The following NCKAP5 variants were observed in gnomAD, a reference collection of about 807,000 sequenced individuals.
NCKAP5 encodes the protein nck-associated protein 5.
Under a neutral mutation model 167.0 loss-of-function variants are expected in NCKAP5, and 92 were observed. That is an observed-to-expected ratio of 0.55 (90% CI 0.47 to 0.66). The LOEUF (loss-of-function observed/expected upper bound fraction) is 0.66, where lower values mean the gene tolerates loss of function less well. Ranked by LOEUF, NCKAP5 falls within the 30% of genes least tolerant of loss-of-function variation. NCKAP5 has a pLI of 0.00. For missense variants in NCKAP5, 2,378 were observed against 2,315.0 expected, an observed-to-expected ratio of 1.03 and a Z score of -0.56; for synonymous variants, 891 against 877.4, an observed-to-expected ratio of 1.02 and a Z score of -0.27.
chr2:132,912,574 G>A (rs1375257039), intron 8 of NCKAP5, among the ~76,000 whole-genome samples: 4 of 152,180 alleles, frequency 2.6e-5, no homozygotes, highest in African/African-American at 9.7e-5. Flanking sequence ...CTTTGATGCT[G>A]ATTTGCTTCT....
At chr2:133,583,668 T>C in the NCKAP5 span, among the ~76,000 whole-genome samples, 10 of 152,208 alleles carry the variant, frequency 6.6e-5, no homozygotes, top group Non-Finnish European at 1.3e-4. Context: ...AACTATAACA[T>C]AGCCATTTAG....
intron 3 of NCKAP5, among the ~76,000 whole-genome samples, chr2:133,491,289 A>G (rs1268383215): frequency 6.6e-6 from 1 of 152,200 alleles, no homozygotes; most frequent in Non-Finnish European, 1.5e-5. Flanking sequence ...GGGAATGACC[A>G]TTGTTCTGAA....
intron 3 of NCKAP5, among the ~76,000 whole-genome samples, chr2:133,376,054 G>T (rs1230294868): frequency 6.6e-6 from 1 of 152,104 alleles, no homozygotes; most frequent in African/African-American, 2.4e-5. Context: ...AAGTGTGGTG[G>T]CATCACCAAG....
At chr2:132,691,381 G>A (rs1686705702) in intron 19 of NCKAP5, among the ~76,000 whole-genome samples, 1 of 151,794 alleles carries the variant, frequency 6.6e-6, no homozygotes, top group African/African-American at 2.4e-5. Context: ...AGCCTATAAG[G>A]TCCGATATAA....
chr2:133,434,248 TA>T (rs1277223548), intron 3 of NCKAP5, among the ~76,000 whole-genome samples: 1 of 152,214 alleles, frequency 6.6e-6, no homozygotes, highest in African/African-American at 2.4e-5. Context: ...GATAGCAACA[TA>T]AAGGTTACTT....
the NCKAP5 span, among the ~76,000 whole-genome samples, chr2:133,609,914 C>T: frequency 6.6e-6 from 1 of 152,116 alleles, no homozygotes; most frequent in Non-Finnish European, 1.5e-5. Context: ...AGGGCACCAC[C>T]TACAAAGAGT....
At chr2:133,656,359 T>C in the NCKAP5 span, among the ~76,000 whole-genome samples, 1 of 152,208 alleles carries the variant, frequency 6.6e-6, no homozygotes, top group Non-Finnish European at 1.5e-5. Context: ...GTAGCTATTA[T>C]TATGATTTGC....
intron 3 of NCKAP5, among the ~76,000 whole-genome samples, chr2:133,437,523 T>C (rs992264518): frequency 1.3e-5 from 2 of 152,202 alleles, no homozygotes; most frequent in African/African-American, 4.8e-5. Context: ...AACTAAAGCC[T>C]TCTTTCTCAG....
At chr2:133,010,481 CA>C (rs1349678750) in intron 6 of NCKAP5, among the ~76,000 whole-genome samples, 1 of 152,188 alleles carries the variant, frequency 6.6e-6, no homozygotes, top group East Asian at 1.9e-4. Flanking sequence ...CCAATGTGTA[CA>C]TATGCATATT....
At chr2:132,894,591 T>C (rs1262348023) in intron 8 of NCKAP5, among the ~76,000 whole-genome samples, 2 of 152,238 alleles carry the variant, frequency 1.3e-5, no homozygotes, top group Non-Finnish European at 2.9e-5. Flanking sequence ...GGATGCTGAC[T>C]GCTCACTCTA....
At chr2:133,310,023 A>C (rs1337535762) in intron 3 of NCKAP5, among the ~76,000 whole-genome samples, 2 of 152,210 alleles carry the variant, frequency 1.3e-5, no homozygotes. Flanking sequence ...CCAGCTGTTC[A>C]AATCAACACA....
At chr2:133,336,411 A>G (rs1683210153) in intron 3 of NCKAP5, among the ~76,000 whole-genome samples, 1 of 152,138 alleles carries the variant, frequency 6.6e-6, no homozygotes, top group Non-Finnish European at 1.5e-5. Context: ...AAGTGCAAAC[A>G]GCTGAAGTGA....
chr2:133,017,529 A>G (rs1226905072), intron 6 of NCKAP5, among the ~76,000 whole-genome samples: 1 of 152,168 alleles, frequency 6.6e-6, no homozygotes, highest in Non-Finnish European at 1.5e-5. Flanking sequence ...TAATTCTCCA[A>G]TATTTTTGAA....
chr2:133,446,362 A>G lies in NCKAP5; in HGVS notation c.69+71096T>C, dbSNP rs180904055. On this transcript the variant is annotated intron_variant, in intron 3 of 19. Coordinates refer to ENST00000409261, the MANE Select transcript of NCKAP5 (RefSeq NM_207363.3). ...AAGTGTCTAAAGATAAAGGAAAATA[A>G]AAACAAAAATAGCTAACACATACTT... 4.6e-5 allele frequency among the ~76,000 whole-genome samples: 7 copies of G among 152,358 alleles called. No homozygotes were observed. The East Asian group carries it at 1.3e-3, about 29-fold the overall frequency.
chr2:133,215,013 G>A (rs1462108051), intron 4 of NCKAP5, among the ~76,000 whole-genome samples: 1 of 152,220 alleles, frequency 6.6e-6, no homozygotes, highest in Non-Finnish European at 1.5e-5. Flanking sequence ...AGTAGAAATA[G>A]TTCTCTCTGA....
intron 19 of NCKAP5, among the ~76,000 whole-genome samples, chr2:132,702,440 T>C (rs1488201901): frequency 2.0e-5 from 3 of 152,072 alleles, no homozygotes; most frequent in African/African-American, 7.2e-5. Flanking sequence ...TAACAAGCCA[T>C]AAACAGATCA....
At chr2:133,098,896 T>A (rs1056727089) in intron 6 of NCKAP5, among the ~76,000 whole-genome samples, 19 of 152,342 alleles carry the variant, frequency 1.2e-4, no homozygotes, top group African/African-American at 4.3e-4. Context: ...TAAATTGGTG[T>A]TTAATTGTTT....
chr2:133,614,513 A>G, the NCKAP5 span, among the ~76,000 whole-genome samples: 1 of 152,138 alleles, frequency 6.6e-6, no homozygotes, highest in South Asian at 2.1e-4. Context: ...CAGAAGCCTC[A>G]GGAGCCGATG....
At chr2:133,506,276 A>C (rs1682996887) in intron 3 of NCKAP5, among the ~76,000 whole-genome samples, 2 of 152,238 alleles carry the variant, frequency 1.3e-5, no homozygotes. Context: ...ACAACACACA[A>C]AAATCTATTT....
Sources: gnomAD v4.1 joint callset for allele counts (sites outside exome capture counted in the v4.1 genomes callset) on GRCh38, gnomAD v4.1.1 for gene constraint, MANE v1.5 for transcripts, NCBI Gene and HGNC (gene_info 2026-07-23, HGNC 2026-07-21) for gene names.